SHISA6: variants seen among roughly 807,000 people sequenced by gnomAD.
The protein encoded by SHISA6 is protein shisa-6.
Under a neutral mutation model 47.9 loss-of-function variants are expected in SHISA6, and 22 were observed. That is an observed-to-expected ratio of 0.46 (90% CI 0.33 to 0.66). SHISA6 has a LOEUF of 0.66. SHISA6 is among the 30% of genes least tolerant of loss of function. The pLI is 0.02. For synonymous variants in SHISA6, 388 were observed against 337.8 expected, an observed-to-expected ratio of 1.15 and a Z score of -1.63; for missense variants, 680 against 764.6, an observed-to-expected ratio of 0.89 and a Z score of 1.30.
intron 3 of SHISA6, among the ~76,000 whole-genome samples, chr17:11,388,175 G>A (rs1913255612): frequency 6.6e-6 from 1 of 152,208 alleles, no homozygotes; most frequent in South Asian, 2.1e-4. Context: ...AGCCAGGGGA[G>A]TGAGTGGGTT....
At position 11,424,980 on chromosome 17, in the gene SHISA6, CTG is replaced by C. The variant is rs1914568655; in HGVS notation, c.895+45472_895+45473del. On this transcript the variant is annotated intron_variant, in intron 3 of 5. Transcript: ENST00000441885. ...AGAGATCGCGCCACTGCACTCCAGC[CTG>C]AGCGACAGAGTGATACTCCGTCTCA... Among the ~76,000 whole-genome samples, 3 of 130,216 alleles carry C rather than the reference CTG, an allele frequency of 2.3e-5. No individual in the cohort carries two copies. The East Asian group carries it at 7.0e-4, about 30-fold the overall frequency. 85.4% of individuals were successfully genotyped at this position (130,216 alleles called of 152,430 possible).
At chr17:11,301,641 C>T (rs1047128468) in intron 2 of SHISA6, among the ~76,000 whole-genome samples, 1 of 152,186 alleles carries the variant, frequency 6.6e-6, no homozygotes, top group Non-Finnish European at 1.5e-5. Context: ...AGGCAGCTTC[C>T]AGAAAACTTC....
chr17:11,327,149 T>G (rs17512210), intron 2 of SHISA6, among the ~76,000 whole-genome samples: 39,726 of 152,122 alleles, frequency 0.26, 6,261 homozygotes, highest in Non-Finnish European at 0.34. Flanking sequence ...TGTTTGACAT[T>G]TATGGTGCAG....
At position 11,349,559 on chromosome 17, in the gene SHISA6, A is replaced by C. The variant is rs1481013123; in HGVS notation, c.800-29855A>C. Among the ~76,000 whole-genome samples the C allele has an allele frequency of 2.0e-5, 3 of 152,246 alleles. No homozygotes were observed. The East Asian group carries it at 5.8e-4, about 29-fold the overall frequency. On this transcript the variant is annotated intron_variant, in intron 2 of 5. Transcript: ENST00000441885. ...ACTTTTGAAGATAACTGTAAATGCCAGGACTGTGCCTCCTTGGGCTGTGAG... is the reference window on the plus strand; with the variant it reads ...ACTTTTGAAGATAACTGTAAATGCCCGGACTGTGCCTCCTTGGGCTGTGAG...
At chr17:11,286,562 G>A (rs544975906) in intron 2 of SHISA6, among the ~76,000 whole-genome samples, 20 of 152,242 alleles carry the variant, frequency 1.3e-4, no homozygotes, top group African/African-American at 4.6e-4. Context: ...AATGATGCTG[G>A]AATGTTTGTA....
chr17:11,262,402 A>G (rs1163705661), intron 1 of SHISA6, among the ~76,000 whole-genome samples: 1 of 152,212 alleles, frequency 6.6e-6, no homozygotes, highest in Non-Finnish European at 1.5e-5. Context: ...CTGAAGTGAC[A>G]GTATCCAGGT....
At chr17:11,357,041 T>C (rs149593508) in intron 2 of SHISA6, among the ~76,000 whole-genome samples, 3,529 of 151,730 alleles carry the variant, frequency 0.023, 114 homozygotes, top group African/African-American at 0.071. Context: ...CAAAAATAGC[T>C]GGGCGTGGTG....
At chr17:11,522,260 T>C (rs1177757336) in intron 3 of SHISA6, among the ~76,000 whole-genome samples, 3 of 151,998 alleles carry the variant, frequency 2.0e-5, no homozygotes, top group Non-Finnish European at 4.4e-5. Flanking sequence ...TCACCATGCC[T>C]GGCCCTATTA....
rs1300932797 is a variant in SHISA6, at chr17:11,468,487, A to G, written c.896-83409A>G. Among the ~76,000 whole-genome samples the G allele has an allele frequency of 2.0e-5, 3 of 151,934 alleles. No individual in the cohort carries two copies. The East Asian group carries it at 5.9e-4, about 30-fold the overall frequency. ...GTTAGTACAGTGAGAACTCAGGAGG[A>G]CTGGAGGCTGGTTTTCATCTGAACA... On this transcript the variant is annotated intron_variant, in intron 3 of 5. Coordinates refer to ENST00000441885, the MANE Select transcript of SHISA6 (RefSeq NM_207386.4).
chr17:11,438,528 C>T (rs1363823762), intron 3 of SHISA6, among the ~76,000 whole-genome samples: 2 of 152,170 alleles, frequency 1.3e-5, no homozygotes. Flanking sequence ...CTGGACTTTC[C>T]TCTGTTTGTG....
chr17:11,497,985 C>T (rs1268916599), intron 3 of SHISA6, among the ~76,000 whole-genome samples: 1 of 152,162 alleles, frequency 6.6e-6, no homozygotes, highest in African/African-American at 2.4e-5. Flanking sequence ...ATATTCATCC[C>T]CCAGCTCCCA....
intron 3 of SHISA6, among the ~76,000 whole-genome samples, chr17:11,516,579 T>G (rs527625275): frequency 1.8e-4 from 28 of 152,302 alleles, no homozygotes; most frequent in African/African-American, 6.3e-4. Context: ...CCAATCCCCA[T>G]GGTGTAAATA....
At chr17:11,497,780 G>C (rs1438883355) in intron 3 of SHISA6, among the ~76,000 whole-genome samples, 1 of 151,938 alleles carries the variant, frequency 6.6e-6, no homozygotes, top group East Asian at 1.9e-4. Context: ...GGCCTTCTCT[G>C]TCTCTCGCAT....
intron 3 of SHISA6, among the ~76,000 whole-genome samples, chr17:11,515,035 C>A (rs1274122340): frequency 1.8e-4 from 27 of 152,154 alleles, no homozygotes; most frequent in Admixed American, 1.8e-3. Context: ...GCCCTGTGGA[C>A]TTCCTTTAGA....
intron 2 of SHISA6, among the ~76,000 whole-genome samples, chr17:11,311,382 G>A (rs1279378879): frequency 6.6e-6 from 1 of 151,974 alleles, no homozygotes; most frequent in Non-Finnish European, 1.5e-5. Flanking sequence ...CATTTATGCA[G>A]GTGAGATTTT....
chr17:11,464,470 G>A (rs1567612818), intron 3 of SHISA6, among the ~76,000 whole-genome samples: 2 of 152,136 alleles, frequency 1.3e-5, no homozygotes, highest in Non-Finnish European at 2.9e-5. Context: ...TGCACGAAGT[G>A]AAACTGGCCA....
intron 2 of SHISA6, among the ~76,000 whole-genome samples, chr17:11,361,102 T>C (rs1052866690): frequency 6.6e-6 from 1 of 151,956 alleles, no homozygotes; most frequent in East Asian, 1.9e-4. Context: ...GCTATACTGG[T>C]TTAATTATCA....
intron 3 of SHISA6, among the ~76,000 whole-genome samples, chr17:11,409,897 T>C (rs766961002): frequency 3.9e-5 from 6 of 152,170 alleles, no homozygotes; most frequent in Non-Finnish European, 8.8e-5. Context: ...ACCTAACATG[T>C]TGCTTCTGAT....
intron 3 of SHISA6, among the ~76,000 whole-genome samples, chr17:11,462,065 C>T (rs1915705789): frequency 1.3e-5 from 2 of 152,002 alleles, no homozygotes; most frequent in African/African-American, 4.8e-5. Flanking sequence ...CAGGCAAAGC[C>T]ATATAAGAGG....
Sources: gnomAD v4.1 joint callset for allele counts (sites outside exome capture counted in the v4.1 genomes callset) on GRCh38, gnomAD v4.1.1 for gene constraint, MANE v1.5 for transcripts, NCBI Gene and HGNC (gene_info 2026-07-23, HGNC 2026-07-21) for gene names.